Variants in DOCK9 observed in about 807,000 individuals in gnomAD.
DOCK9 encodes the protein dedicator of cytokinesis 9.
DOCK9 carries 89 observed loss-of-function variants against 263.3 expected under a neutral mutation model. The ratio of observed to expected loss-of-function variants is 0.34; its 90% CI spans 0.28 to 0.40. The LOEUF is 0.40. Among genes scored for constraint, DOCK9 ranks in the 10% least tolerant of loss-of-function variants. DOCK9 has a pLI of 1.00. For synonymous variants in DOCK9, 976 were observed against 973.1 expected, an observed-to-expected ratio of 1.00 and a Z score of -0.06; for missense variants, 2,140 against 2,603.4, an observed-to-expected ratio of 0.82 and a Z score of 3.87.
At position 98,888,527 on chromosome 13, in the gene DOCK9, T is replaced by C; in HGVS notation, c.1810A>G (p.Ile604Val). The C allele has an allele frequency of 1.2e-6, 2 of 1,613,972 alleles. No individual in the cohort carries two copies. Among genetic ancestry groups the C allele is most frequent in the Non-Finnish European group, 1.7e-6 (2 of 1,179,862 alleles). Residue 604 changes from isoleucine (I) to valine (V), a missense_variant, in exon 17 of 53, where the codon ATT (isoleucine) becomes GTT (valine). By Grantham distance (29) the Ile-to-Val change is conservative. Around this residue, in one of 2 missense-constraint regions of DOCK9, gnomAD observed 1,521 missense variants for 1,741.7 expected, o/e 0.87. Transcript: ENST00000682017. ...DFPNYVNSSY[I>V]PTKQFETCSK... The stretch of plus-strand genomic sequence containing the variant: ...CAGGTTTCAAATTGTTTTGTGGGAA[T>C]GTATGATGAATTAACATAATCTGCA...
At chr13:98,947,340 C>T (rs1187127413) in intron 2 of DOCK9, among the ~76,000 whole-genome samples, 1 of 151,948 alleles carries the variant, frequency 6.6e-6, no homozygotes, top group Non-Finnish European at 1.5e-5. Flanking sequence ...AATAAATATA[C>T]CCTTAAGCTC....
At chr13:98,906,941 C>A (rs1283719455) in intron 9 of DOCK9, among the ~76,000 whole-genome samples, 2 of 152,134 alleles carry the variant, frequency 1.3e-5, no homozygotes, top group African/African-American at 4.8e-5. Context: ...CCAAGTTTAT[C>A]TTGATGCTAT....
intron 26 of DOCK9, 125 bp downstream of exon 26, chr13:98,880,422 A>C: frequency 7.9e-7 from 1 of 1,267,178 alleles, no homozygotes; most frequent in Non-Finnish European, 1.1e-6. Flanking sequence ...ATCAGAGAAC[A>C]CTACCCCTTT....
chr13:98,994,792 C>T (rs1880625462), intron 1 of DOCK9, among the ~76,000 whole-genome samples: 1 of 152,092 alleles, frequency 6.6e-6, no homozygotes, highest in Non-Finnish European at 1.5e-5. Context: ...TCTTTCCATA[C>T]ATTCTTTTGT....
chr13:98,805,450 T>C (rs2090593430), intron 48 of DOCK9, among the ~76,000 whole-genome samples: 1 of 152,114 alleles, frequency 6.6e-6, no homozygotes, highest in African/African-American at 2.4e-5. Context: ...CTTTTTTTTT[T>C]CCAGTAGAAC....
intron 32 of DOCK9, among the ~76,000 whole-genome samples, chr13:98,861,499 G>C (rs942682643): frequency 6.6e-6 from 1 of 152,188 alleles, no homozygotes; most frequent in African/African-American, 2.4e-5. Flanking sequence ...CTGAGGCCAA[G>C]AAGAGAGCAT....
chr13:98,886,000 A>T (rs2045639350), intron 19 of DOCK9, among the ~76,000 whole-genome samples, 169 bp from the exon 20 acceptor site: 1 of 152,256 alleles, frequency 6.6e-6, no homozygotes, highest in Admixed American at 6.5e-5. Flanking sequence ...CAAGCAAGAA[A>T]TGAATCCTGA....
chr13:99,045,740 T>C (rs982463758), intron 1 of DOCK9, among the ~76,000 whole-genome samples: 7 of 151,928 alleles, frequency 4.6e-5, no homozygotes, highest in African/African-American at 1.5e-4. Flanking sequence ...AAAATGCATA[T>C]ATAAAAAGAG....
intron 13 of DOCK9, among the ~76,000 whole-genome samples, chr13:98,898,691 C>A (rs1347949744): frequency 6.6e-6 from 1 of 152,160 alleles, no homozygotes; most frequent in African/African-American, 2.4e-5. Flanking sequence ...TTCACAGCTC[C>A]TAAAGCGCAC....
chr13:99,015,357 A>G, intron 1 of DOCK9: 2 of 1,124,164 alleles, frequency 1.8e-6, no homozygotes, highest in Non-Finnish European at 2.4e-6. Flanking sequence ...ACATATAAGT[A>G]CACTTAAATA....
At chr13:98,888,113 A>G (rs1349660060) in intron 18 of DOCK9, 45 bp downstream of exon 18, 2 of 1,402,028 alleles carry the variant, frequency 1.4e-6, no homozygotes, top group Admixed American at 2.3e-5. Context: ...TTGAAAATGG[A>G]AAAATCAGAA....
chr13:99,081,548 C>A (rs948947747), intron 1 of DOCK9, among the ~76,000 whole-genome samples: 1 of 152,194 alleles, frequency 6.6e-6, no homozygotes, highest in African/African-American at 2.4e-5. Flanking sequence ...TATATTAATA[C>A]CCAAGTGCAG....
chr13:98,925,922 A>G lies in DOCK9; in HGVS notation c.334-3T>C, dbSNP rs371639268. 923 of 1,551,662 alleles carry G rather than the reference A, an allele frequency of 5.9e-4. 1 individual carries two copies. Among genetic ancestry groups the G allele is most frequent in the Non-Finnish European group, 7.3e-4 (845 of 1,149,914 alleles). On this transcript the variant is annotated splice_polypyrimidine_tract_variant and splice_region_variant and intron_variant, in intron 3 of 52. Coordinates refer to ENST00000682017, the MANE Select transcript of DOCK9 (RefSeq NM_001366683.2). ...TCAGAGTTATAGGTTTTGATGCACT[A>G]TTGAAGGGGGATTTTAAAAATAGAA...
chr13:98,930,253 G>C lies in DOCK9; in HGVS notation c.248C>G (p.Ala83Gly). The C allele has an allele frequency of 6.2e-7, 1 of 1,608,868 alleles. No homozygotes were observed. The highest frequency in any genetic ancestry group is 8.5e-7 in the Non-Finnish European group (1 of 1,177,572). Residue 83 changes from alanine to glycine, a missense_variant, in exon 3 of 53, where the codon GCC (alanine) becomes GGC (glycine). Transcript: ENST00000682017. ...LLFPYDDFQT[A>G]ILRRQGRYIC... ...GTATCGACCCTGTCGTCTCAGGATG[G>C]CCGTCTGGAAACAAAAACAGGAGGA...
At chr13:98,885,166 T>G (rs1021012711) in intron 20 of DOCK9, 74 bp from the exon 21 acceptor site, 36 of 1,562,894 alleles carry the variant, frequency 2.3e-5, no homozygotes, top group South Asian at 2.4e-5. Context: ...CAAGCCAATG[T>G]AAAACCGTCT....
intron 45 of DOCK9, among the ~76,000 whole-genome samples, chr13:98,819,182 G>A (rs1191740746): frequency 6.6e-6 from 1 of 152,180 alleles, no homozygotes; most frequent in Admixed American, 6.5e-5. Flanking sequence ...ACAAAATCTG[G>A]GTTTGGGGGG....
intron 1 of DOCK9, among the ~76,000 whole-genome samples, chr13:99,038,899 T>A (rs1051232183): frequency 1.3e-5 from 2 of 152,242 alleles, no homozygotes; most frequent in Non-Finnish European, 2.9e-5. Flanking sequence ...CTCACAAATA[T>A]AAGATCTAAT....
chr13:98,829,201 T>C lies in DOCK9; in HGVS notation c.4965+106A>G. The C allele has an allele frequency of 2.9e-6, 3 of 1,021,602 alleles. No individual in the cohort carries two copies. The allele number at this position is 1,021,602 out of a possible 1,614,324, so 63.3% of individuals were successfully genotyped here. ...GTTTAAAGTTTTGCATACTTTTAATTGGTTTTTGATTAATGGAATAACTTT... is the reference window on the plus strand; with the variant it reads ...GTTTAAAGTTTTGCATACTTTTAATCGGTTTTTGATTAATGGAATAACTTT... On this transcript the variant is annotated intron_variant, in intron 43 of 52. Coordinates refer to ENST00000682017, the MANE Select transcript of DOCK9 (RefSeq NM_001366683.2). The surrounding 1 kb of genome is among the most constrained non-coding windows in gnomAD (Gnocchi z 4.1).
intron 20 of DOCK9, 161 bp from the exon 21 acceptor site, chr13:98,885,253 C>A: frequency 3.1e-6 from 3 of 983,048 alleles, no homozygotes; most frequent in African/African-American, 1.6e-5. Flanking sequence ...AGAACATTGT[C>A]TACAATGTAC....
Sources: gnomAD v4.1 joint callset for allele counts (sites outside exome capture counted in the v4.1 genomes callset) on GRCh38, gnomAD v4.1.1 for gene constraint, gnomAD v4.1.1 regional missense constraint, Gnocchi (gnomAD v3.1) non-coding constraint, MANE v1.5 for transcripts, NCBI Gene and HGNC (gene_info 2026-07-23, HGNC 2026-07-21) for gene names.